The following CCDC85A variants were observed in gnomAD, a reference collection of about 807,000 sequenced individuals.
CCDC85A encodes coiled-coil domain-containing protein 85A.
Under a neutral mutation model 50.2 loss-of-function variants are expected in CCDC85A, and 38 were observed. The observed-to-expected ratio is 0.76, with a 90% CI of 0.58 to 0.99. The LOEUF is 0.99. Ranked by LOEUF, CCDC85A falls within the 50% of genes least tolerant of loss-of-function variation. The probability of loss-of-function intolerance (pLI) is 0.00; values close to 1 mark genes in which losing one functional copy is unlikely to be tolerated. For missense variants in CCDC85A, 820 were observed against 742.0 expected (o/e 1.11, Z -1.22); for synonymous variants, 366 against 301.4 (o/e 1.21, Z -2.22).
At chr2:56,271,839 G>C (rs1012897820) in intron 2 of CCDC85A, among the ~76,000 whole-genome samples, 1 of 152,128 alleles carries the variant, frequency 6.6e-6, no homozygotes, top group South Asian at 2.1e-4. Flanking sequence ...TTGGCTAGTC[G>C]TATCAGTAGC....
chr2:56,329,170 C>A (rs1673633279), intron 2 of CCDC85A, among the ~76,000 whole-genome samples: 1 of 152,180 alleles, frequency 6.6e-6, no homozygotes, highest in South Asian at 2.1e-4. Flanking sequence ...ATCTCTCAGG[C>A]TCATTGCCAT....
chr2:56,358,612 C>T (rs554135282), intron 3 of CCDC85A, among the ~76,000 whole-genome samples: 5 of 152,260 alleles, frequency 3.3e-5, no homozygotes, highest in African/African-American at 1.2e-4. Flanking sequence ...GAGCAGAAAA[C>T]AGCCACAGAG....
chr2:56,360,169 G>C (rs543491014), intron 3 of CCDC85A, among the ~76,000 whole-genome samples: 1 of 152,254 alleles, frequency 6.6e-6, no homozygotes, highest in South Asian at 2.1e-4. Flanking sequence ...TTTTAAAAAA[G>C]ATTAACCAAA....
At position 56,274,029 on chromosome 2, in the gene CCDC85A, A is replaced by G. The variant is rs17047735; in HGVS notation, c.1241-68850A>G. Among the ~76,000 whole-genome samples, 653 of 152,320 alleles carry G rather than the reference A, an allele frequency of 4.3e-3. 6 individuals are homozygous for G. Among genetic ancestry groups the G allele is most frequent in the African/African-American group, 0.014 (599 of 41,570 alleles). On this transcript the variant is annotated intron_variant, in intron 2 of 5. Coordinates refer to ENST00000407595, the MANE Select transcript of CCDC85A (RefSeq NM_001080433.2). ...AGACAATACTAAATGTTTTAATTTA[A>G]CTGTATCTGGAGGATGGGAGAGGTA...
chr2:56,273,702 A>G (rs1670799417), intron 2 of CCDC85A, among the ~76,000 whole-genome samples: 1 of 151,682 alleles, frequency 6.6e-6, no homozygotes, highest in Non-Finnish European at 1.5e-5. Context: ...ATATATATAT[A>G]TATATATCAC....
chr2:56,295,644 T>C (rs1057211936), intron 2 of CCDC85A, among the ~76,000 whole-genome samples: 1 of 152,200 alleles, frequency 6.6e-6, no homozygotes, highest in African/African-American at 2.4e-5. Flanking sequence ...GAGTGTGAGT[T>C]TCTGCCACTC....
chr2:56,296,271 C>G (rs530978419), intron 2 of CCDC85A, among the ~76,000 whole-genome samples: 1 of 152,228 alleles, frequency 6.6e-6, no homozygotes, highest in East Asian at 1.9e-4. Context: ...TATCCCAAAG[C>G]GTCACTAATG....
Position 56,184,646 on chromosome 2 carries a change from G to T in CCDC85A, c.22G>T (p.Ala8Ser). The T allele has an allele frequency of 7.0e-7, 1 of 1,437,342 alleles. No individual in the cohort carries two copies. The highest frequency in any genetic ancestry group is 9.0e-7 in the Non-Finnish European group (1 of 1,108,568). The allele number at this position is 1,437,342 out of a possible 1,614,324, so 89.0% of individuals were successfully genotyped here. A position where few individuals can be genotyped will look rare whatever the true frequency, so the allele number is the denominator to read the frequency against. ...TACCATGTCGAAGGCGGCCGGAGGC[G>T]CGGCGGCGGCTGCGGCGGCGGCGGA... MSKAAGG[A>S]AAAAAAAESC... The change falls in exon 1 of 6, where the codon GCG becomes TCG. Residue 8 changes from alanine to serine, a missense_variant. Transcript: ENST00000407595.
chr2:56,303,071 T>C (rs1042146856), intron 2 of CCDC85A, among the ~76,000 whole-genome samples: 8 of 152,176 alleles, frequency 5.3e-5, no homozygotes, highest in African/African-American at 1.9e-4. Flanking sequence ...CTGTGGCTTC[T>C]TTGAATGGAC....
intron 2 of CCDC85A, among the ~76,000 whole-genome samples, chr2:56,225,609 G>A (rs1324865438): frequency 6.6e-6 from 1 of 152,104 alleles, no homozygotes; most frequent in African/African-American, 2.4e-5. Flanking sequence ...GGTTACTTTG[G>A]TTATTCTGGT....
chr2:56,322,172 C>G (rs895204273), intron 2 of CCDC85A, among the ~76,000 whole-genome samples: 2 of 152,142 alleles, frequency 1.3e-5, no homozygotes, highest in Admixed American at 6.5e-5. Flanking sequence ...AAATGTTAGA[C>G]CTAAAGCCAT....
intron 2 of CCDC85A, among the ~76,000 whole-genome samples, chr2:56,336,528 A>C (rs1674083470): frequency 6.6e-6 from 1 of 152,174 alleles, no homozygotes; most frequent in Non-Finnish European, 1.5e-5. Flanking sequence ...TTCTGCCCTG[A>C]GATTTTGGAG....
intron 2 of CCDC85A, among the ~76,000 whole-genome samples, chr2:56,257,859 C>A (rs1285726077): frequency 1.3e-5 from 2 of 151,952 alleles, no homozygotes; most frequent in African/African-American, 2.4e-5. Context: ...GTTGTAGATG[C>A]CAAATCTTTG....
At chr2:56,254,010 T>C (rs990726339) in intron 2 of CCDC85A, among the ~76,000 whole-genome samples, 1 of 152,128 alleles carries the variant, frequency 6.6e-6, no homozygotes, top group African/African-American at 2.4e-5. Flanking sequence ...GTGTATCTCC[T>C]TGCTTATTTC....
rs34920355 is a variant in CCDC85A at position 56,384,408 on chromosome 2, C to CAAG, written c.*59_*61dup. The CAAG allele has an allele frequency of 0.31, 449,542 of 1,460,198 alleles. 76,701 individuals carry two copies. The highest frequency in any genetic ancestry group is 0.66 in the African/African-American group (46,788 of 70,692). The allele number at this position is 1,460,198 out of a possible 1,614,324, so 90.5% of individuals were successfully genotyped here. A position where few individuals can be genotyped will look rare whatever the true frequency, so the allele number is the denominator to read the frequency against. ...ACCACTGCCAGAAAGTGATAGAAGA[C>CAAG]AAGAAGAAAAAGGAAAGAGTGGGTT... On this transcript the variant is annotated 3_prime_UTR_variant, in exon 6 of 6. Coordinates refer to ENST00000407595, the MANE Select transcript of CCDC85A (RefSeq NM_001080433.2).
intron 2 of CCDC85A, among the ~76,000 whole-genome samples, chr2:56,241,187 T>C (rs192659474): frequency 9.5e-4 from 145 of 152,292 alleles, no homozygotes; most frequent in Middle Eastern, 6.8e-3. Flanking sequence ...TTTTAATTTT[T>C]ATTTTGTGGG....
At chr2:56,261,966 G>A (rs1018178441) in intron 2 of CCDC85A, among the ~76,000 whole-genome samples, 2 of 152,216 alleles carry the variant, frequency 1.3e-5, no homozygotes, top group African/African-American at 2.4e-5. Flanking sequence ...GTGGGCCGCA[G>A]TGAAAGAGCT....
intron 2 of CCDC85A, among the ~76,000 whole-genome samples, chr2:56,273,204 T>A (rs1402852222): frequency 1.3e-5 from 2 of 152,070 alleles, no homozygotes; most frequent in Non-Finnish European, 2.9e-5. Context: ...AACTAGGAGA[T>A]CAGTCTGTGA....
At chr2:56,354,144 T>C (rs1393881799) in intron 3 of CCDC85A, among the ~76,000 whole-genome samples, 1 of 152,210 alleles carries the variant, frequency 6.6e-6, no homozygotes, top group African/African-American at 2.4e-5. Flanking sequence ...ATTTAAATAA[T>C]TATGACGAAA....
Sources: allele counts gnomAD v4.1 joint callset (sites outside exome capture counted in the v4.1 genomes callset), GRCh38; gene constraint gnomAD v4.1.1; transcripts MANE v1.5; gene names NCBI Gene and HGNC (gene_info 2026-07-23, HGNC 2026-07-21).